NPL: variants seen among roughly 807,000 people sequenced by gnomAD.
NPL encodes the protein N-acetylneuraminate lyase.
A neutral mutation model predicts 41.1 loss-of-function variants in NPL; 32 were observed. The observed-to-expected ratio is 0.78, with a 90% CI of 0.59 to 1.05. The LOEUF (loss-of-function observed/expected upper bound fraction) is 1.05, where lower values mean the gene tolerates loss of function less well. Ranked by LOEUF, NPL falls within the 50% of genes least tolerant of loss-of-function variation. The pLI is 0.00. For synonymous variants in NPL, 128 were observed against 134.9 expected, an observed-to-expected ratio of 0.95 and a Z score of 0.35; for missense variants, 321 against 378.4, an observed-to-expected ratio of 0.85 and a Z score of 1.26.
At chr1:182,824,653 C>T (rs1024180823) in intron 11 of NPL, among the ~76,000 whole-genome samples, 4 of 151,972 alleles carry the variant, frequency 2.6e-5, no homozygotes, top group East Asian at 1.9e-4. Context: ...AAAAATTAGC[C>T]GGGCGTGGTG....
Position 182,825,794 on chromosome 1 carries a change from G to T in NPL, c.752G>T (p.Arg251Ile), listed in dbSNP as rs1557954625. The change falls in exon 12 of 13, where the codon AGA (arginine) becomes ATA (isoleucine). Residue 251 changes from arginine to isoleucine, a missense_variant. Transcript: ENST00000367553. ...GTTCTTTTCTAGTTTTGTATCCAGA[G>T]ATTTATCAACTTTGTTGTCAAACTA... ...LALNYQFCIQ[R>I]FINFVVKLGF... is the part of the protein sequence containing the mutation. 1 of 1,593,662 alleles carries T rather than the reference G, an allele frequency of 6.3e-7. No homozygotes were observed. Among genetic ancestry groups the T allele is most frequent in the Admixed American group, 1.7e-5 (1 of 59,980 alleles).
chr1:182,803,641 T>G, intron 3 of NPL, 57 bp from the exon 4 acceptor site: 1 of 1,169,060 alleles, frequency 8.6e-7, no homozygotes, highest in East Asian at 2.3e-5. Flanking sequence ...CCTGAGCATT[T>G]GTTGAATAAT....
At position 182,829,270 on chromosome 1, in the gene NPL, A is replaced by G; in HGVS notation, c.*362A>G. 1 of 1,185,498 alleles carries G rather than the reference A, an allele frequency of 8.4e-7. No homozygotes were observed. Among genetic ancestry groups the G allele is most frequent in the Non-Finnish European group, 1.0e-6 (1 of 954,466 alleles). The allele number at this position is 1,185,498 out of a possible 1,614,324, so 73.4% of individuals were successfully genotyped here. A position where few individuals can be genotyped will look rare whatever the true frequency, so the allele number is the denominator to read the frequency against. Reference sequence around the variant, plus strand: ...CTATTTTAAAGTTGTCTAATTTTAAACCACTATAATATGTCTTCATTTTAA... The same window carrying G: ...CTATTTTAAAGTTGTCTAATTTTAAGCCACTATAATATGTCTTCATTTTAA... On this transcript the variant is annotated 3_prime_UTR_variant, in exon 13 of 13. Coordinates refer to ENST00000367553, the MANE Select transcript of NPL (RefSeq NM_030769.3).
intron 5 of NPL, chr1:182,806,518 CT>C: frequency 6.5e-7 from 1 of 1,536,256 alleles, no homozygotes; most frequent in Non-Finnish European, 8.7e-7. Flanking sequence ...AGTTACCCGT[CT>C]TTGGGCTGAA....
intron 3 of NPL, among the ~76,000 whole-genome samples, chr1:182,798,793 G>C (rs144438918): frequency 1.6e-3 from 239 of 152,294 alleles, no homozygotes; most frequent in Middle Eastern, 0.01. Flanking sequence ...GAGACGAGGG[G>C]ACCCAGACTC....
In NPL at chr1:182,803,726, T is replaced by G. The variant is rs552560494; in HGVS notation, c.97T>G (p.Tyr33Asp). 6.2e-7 allele frequency: 1 copy of G among 1,613,376 alleles called. No individual in the cohort carries two copies. The highest frequency in any genetic ancestry group is 8.5e-7 in the Non-Finnish European group (1 of 1,179,314). ...GEINFSVIGQ[Y>D]VDYLVKEQGV... ...AATCAACTTTTCAGTAATTGGTCAG[T>G]ATGTGGATTATCTTGTGAAAGAACA... is the stretch of plus-strand genomic sequence containing the variant. Residue 33 changes from tyrosine (Y) to aspartate (D), a missense_variant, in exon 4 of 13, where the codon TAT (tyrosine) becomes GAT (aspartate). Tyr to Asp is a radical substitution (Grantham distance 160). Transcript: ENST00000367553.
intron 5 of NPL, among the ~76,000 whole-genome samples, 185 bp from the exon 6 acceptor site, chr1:182,811,971 A>G (rs1249690851): frequency 6.6e-6 from 1 of 152,198 alleles, no homozygotes; most frequent in Non-Finnish European, 1.5e-5. Context: ...CTTTGATATC[A>G]ATGACCTAGG....
At chr1:182,822,733 G>A (rs1415920584) in intron 11 of NPL, among the ~76,000 whole-genome samples, 2 of 152,220 alleles carry the variant, frequency 1.3e-5, no homozygotes, top group Non-Finnish European at 2.9e-5. Context: ...AGACAGGAAG[G>A]AAAAACCAGC....
In NPL at chr1:182,794,223, C is replaced by T. The variant is rs560507942; in HGVS notation, c.-16-133C>T. ...GAATTAAGCACTAAAATTTTACCAT[C>T]TTGTACTTGCTCTGTGTGTTTGTGT... On this transcript the variant is annotated intron_variant, in intron 2 of 12. Coordinates refer to ENST00000367553, the MANE Select transcript of NPL (RefSeq NM_030769.3). 4.5e-4 allele frequency: 373 copies of T among 823,638 alleles called. 2 individuals are homozygous for T. The highest frequency in any genetic ancestry group is 3.3e-3 in the Middle Eastern group (14 of 4,182). The allele number at this position is 823,638 out of a possible 1,614,324, so 51.0% of individuals were successfully genotyped here. A position where few individuals can be genotyped will look rare whatever the true frequency, so the allele number is the denominator to read the frequency against.
chr1:182,820,387 A>G (rs1190939147), intron 10 of NPL, among the ~76,000 whole-genome samples: 1 of 152,236 alleles, frequency 6.6e-6, no homozygotes, highest in African/African-American at 2.4e-5. Flanking sequence ...GACTGAGTTG[A>G]ATAATATAAA....
chr1:182,825,904 C>T, intron 12 of NPL, 84 bp downstream of exon 12: 1 of 1,016,570 alleles, frequency 9.8e-7, no homozygotes, highest in African/African-American at 1.6e-5. Flanking sequence ...GAGGGTTCAA[C>T]AAGAACACTT....
intron 7 of NPL, among the ~76,000 whole-genome samples, chr1:182,815,578 A>G (rs1487528167): frequency 6.6e-6 from 1 of 152,200 alleles, no homozygotes; most frequent in Non-Finnish European, 1.5e-5. Flanking sequence ...CGAGTTTAAA[A>G]TGAACATTTT....
At chr1:182,811,201 C>A (rs75892022) in intron 5 of NPL, among the ~76,000 whole-genome samples, 3,487 of 152,184 alleles carry the variant, frequency 0.023, 136 homozygotes, top group African/African-American at 0.081. Flanking sequence ...TAGGTCATTT[C>A]TTTCCATTAG....
chr1:182,818,791 A>G, intron 9 of NPL, 22 bp from the exon 10 acceptor site: 2 of 1,613,950 alleles, frequency 1.2e-6, no homozygotes, highest in Middle Eastern at 3.3e-4. Flanking sequence ...TATACAAGTG[A>G]ATATTTTTTG....
At chr1:182,805,078 A>T (rs1380819545) in intron 4 of NPL, among the ~76,000 whole-genome samples, 1 of 152,148 alleles carries the variant, frequency 6.6e-6, no homozygotes, top group African/African-American at 2.4e-5. Flanking sequence ...CACCATATGC[A>T]TGAGACCTCA....
At chr1:182,795,233 A>G (rs940525585) in intron 3 of NPL, among the ~76,000 whole-genome samples, 4 of 152,190 alleles carry the variant, frequency 2.6e-5, no homozygotes, top group African/African-American at 9.7e-5. Context: ...AGGCTGCCAA[A>G]AAGTTAGAAT....
chr1:182,816,114 A>G (rs1330181736), intron 7 of NPL, among the ~76,000 whole-genome samples: 1 of 152,234 alleles, frequency 6.6e-6, no homozygotes, highest in African/African-American at 2.4e-5. Flanking sequence ...CATCTGCAGT[A>G]GTGTTGCAGG....
intron 4 of NPL, among the ~76,000 whole-genome samples, chr1:182,804,594 A>C (rs1214560701): frequency 6.6e-6 from 1 of 152,178 alleles, no homozygotes; most frequent in East Asian, 1.9e-4. Flanking sequence ...TGAACATTTT[A>C]AGCCTGACAG....
chr1:182,793,635 ACAAAACTGGG>A (rs768546927), intron 2 of NPL, among the ~76,000 whole-genome samples: 3 of 152,220 alleles, frequency 2.0e-5, no homozygotes, highest in Non-Finnish European at 2.9e-5. Flanking sequence ...GGAAAACTGG[ACAAAACTGGG>A]CAAAATTAGG....
Sources: gnomAD v4.1 joint callset for allele counts (sites outside exome capture counted in the v4.1 genomes callset) on GRCh38, gnomAD v4.1.1 for gene constraint, MANE v1.5 for transcripts, NCBI Gene and HGNC (gene_info 2026-07-23, HGNC 2026-07-21) for gene names.